DDX10: variants seen among roughly 807,000 people sequenced by gnomAD.
The protein encoded by DDX10 is probable ATP-dependent RNA helicase DDX10.
In DDX10, 74 loss-of-function variants were observed where a neutral mutation model predicts 104.3. The ratio of observed to expected loss-of-function variants is 0.71; its 90% CI spans 0.59 to 0.86. The LOEUF (loss-of-function observed/expected upper bound fraction) is 0.86, where lower values mean the gene tolerates loss of function less well. Ranked by LOEUF, DDX10 falls within the 40% of genes least tolerant of loss-of-function variation. The probability of loss-of-function intolerance (pLI) is 0.00; values close to 1 mark genes in which losing one functional copy is unlikely to be tolerated. For missense variants in DDX10, 952 were observed against 1,040.0 expected, an observed-to-expected ratio of 0.92 and a Z score of 1.16; for synonymous variants, 351 against 353.4, an observed-to-expected ratio of 0.99 and a Z score of 0.08.
At chr11:108,797,804 AT>A (rs1414702292) in intron 13 of DDX10, among the ~76,000 whole-genome samples, 1 of 152,226 alleles carries the variant, frequency 6.6e-6, no homozygotes, top group African/African-American at 2.4e-5. Context: ...AAATAAAACA[AT>A]TCTTTGATTT....
At position 108,665,150 on chromosome 11, in the gene DDX10, C is replaced by T; in HGVS notation, c.-4C>T. The stretch of plus-strand genomic sequence containing the variant: ...TGATCCGAGCTGTCGCCGCCGCCGC[C>T]GCAATGGGCAAAACGGCCAACTCTC... On this transcript the variant is annotated 5_prime_UTR_variant, in exon 1 of 18. Coordinates refer to ENST00000322536, the MANE Select transcript of DDX10 (RefSeq NM_004398.4). The T allele has an allele frequency of 6.2e-7, 1 of 1,603,022 alleles. No individual in the cohort carries two copies. Among genetic ancestry groups the T allele is most frequent in the Non-Finnish European group, 8.5e-7 (1 of 1,175,940 alleles).
intron 17 of DDX10, among the ~76,000 whole-genome samples, chr11:108,933,231 C>G (rs1235754822): frequency 6.6e-6 from 1 of 151,830 alleles, no homozygotes; most frequent in Non-Finnish European, 1.5e-5. Flanking sequence ...TAAACAGATT[C>G]CACAGGATTA....
At chr11:108,845,810 G>A (rs1254821219) in intron 15 of DDX10, among the ~76,000 whole-genome samples, 1 of 152,070 alleles carries the variant, frequency 6.6e-6, no homozygotes, top group Non-Finnish European at 1.5e-5. Flanking sequence ...TAAAGGATAG[G>A]ATATTTAATA....
chr11:108,838,384 G>C, intron 13 of DDX10, 62 bp from the exon 14 acceptor site: 1 of 1,546,802 alleles, frequency 6.5e-7, no homozygotes. Flanking sequence ...GCCAGAGTTG[G>C]ATTGTTAATA....
At chr11:108,825,721 T>C (rs940216714) in intron 13 of DDX10, among the ~76,000 whole-genome samples, 1 of 152,208 alleles carries the variant, frequency 6.6e-6, no homozygotes, top group African/African-American at 2.4e-5. Flanking sequence ...ATTGACCATT[T>C]TCATCACATT....
At chr11:108,707,280 C>T (rs1565253463) in intron 10 of DDX10, among the ~76,000 whole-genome samples, 1 of 152,180 alleles carries the variant, frequency 6.6e-6, no homozygotes, top group Non-Finnish European at 1.5e-5. Context: ...CCCTCCCCTC[C>T]CCCTGAACCT....
chr11:108,733,157 A>G (rs574077957), intron 13 of DDX10, among the ~76,000 whole-genome samples: 16 of 151,330 alleles, frequency 1.1e-4, no homozygotes, highest in South Asian at 8.4e-4. Flanking sequence ...TACTGTAAGA[A>G]CTCACTGTTG....
At chr11:108,680,137 T>G (rs1211436300) in intron 6 of DDX10, among the ~76,000 whole-genome samples, 1 of 152,250 alleles carries the variant, frequency 6.6e-6, no homozygotes, top group Non-Finnish European at 1.5e-5. Context: ...TTGGTCTCAT[T>G]AAAAACTAGA....
At chr11:108,754,687 C>T (rs1023993803) in intron 13 of DDX10, among the ~76,000 whole-genome samples, 1 of 151,934 alleles carries the variant, frequency 6.6e-6, no homozygotes, top group African/African-American at 2.4e-5. Context: ...TCAAGACACA[C>T]TGTACATCTA....
chr11:108,837,656 C>T (rs1457761230), intron 13 of DDX10, among the ~76,000 whole-genome samples: 3 of 95,754 alleles, frequency 3.1e-5, no homozygotes, highest in East Asian at 4.0e-4. Context: ...CAAAGCCTTG[C>T]TCTGTCCTCA....
chr11:108,671,849 G>A (rs2094217449), intron 1 of DDX10, among the ~76,000 whole-genome samples: 1 of 151,970 alleles, frequency 6.6e-6, no homozygotes, highest in South Asian at 2.1e-4. Flanking sequence ...CACGAGGTCA[G>A]GAGATCAAGA....
At chr11:108,867,394 A>G (rs1863020514) in intron 16 of DDX10, among the ~76,000 whole-genome samples, 1 of 152,208 alleles carries the variant, frequency 6.6e-6, no homozygotes, top group South Asian at 2.1e-4. Flanking sequence ...CCAGAGCTTC[A>G]TTTGACACTC....
At chr11:108,878,498 C>T (rs1863182446) in intron 16 of DDX10, among the ~76,000 whole-genome samples, 1 of 152,076 alleles carries the variant, frequency 6.6e-6, no homozygotes, top group South Asian at 2.1e-4. Flanking sequence ...TGTTTTCTTT[C>T]CCTAATGTGG....
intron 13 of DDX10, among the ~76,000 whole-genome samples, chr11:108,755,535 A>G (rs1171353511): frequency 1.3e-5 from 2 of 152,048 alleles, no homozygotes; most frequent in Non-Finnish European, 2.9e-5. Flanking sequence ...CATGTGGGCC[A>G]TAAAGCCTAA....
intron 13 of DDX10, among the ~76,000 whole-genome samples, chr11:108,782,623 C>T (rs750613469): frequency 4.6e-5 from 7 of 151,744 alleles, no homozygotes; most frequent in Non-Finnish European, 1.0e-4. Flanking sequence ...TTTTTTTTTA[C>T]TCACAGGTAC....
chr11:108,908,127 A>G (rs1001936587), intron 16 of DDX10, among the ~76,000 whole-genome samples: 1 of 152,192 alleles, frequency 6.6e-6, no homozygotes, highest in African/African-American at 2.4e-5. Flanking sequence ...TCTTCTCTAA[A>G]TAATTTAGTG....
chr11:108,896,921 CTT>C (rs1204949433), intron 16 of DDX10, among the ~76,000 whole-genome samples: 5 of 143,412 alleles, frequency 3.5e-5, no homozygotes, highest in African/African-American at 1.3e-4. Context: ...AGTAGAAAGA[CTT>C]TTTTTTTTTT....
chr11:108,924,099 A>G (rs531468349), intron 17 of DDX10, among the ~76,000 whole-genome samples: 6 of 152,258 alleles, frequency 3.9e-5, no homozygotes, highest in South Asian at 2.1e-4. Context: ...AAAATTTGCA[A>G]AGTATTAAAT....
intron 13 of DDX10, among the ~76,000 whole-genome samples, chr11:108,764,829 A>T (rs969634094): frequency 6.6e-6 from 1 of 152,186 alleles, no homozygotes; most frequent in African/African-American, 2.4e-5. Flanking sequence ...TTGAGAACTG[A>T]TCATAAAATA....
Sources: allele counts gnomAD v4.1 joint callset (sites outside exome capture counted in the v4.1 genomes callset), GRCh38; gene constraint gnomAD v4.1.1; transcripts MANE v1.5; gene names NCBI Gene and HGNC (gene_info 2026-07-23, HGNC 2026-07-21).